STK32B: variants seen among roughly 807,000 people sequenced by gnomAD.
STK32B encodes the protein serine/threonine-protein kinase 32B.
A neutral mutation model predicts 52.6 loss-of-function variants in STK32B; 43 were observed. That is an observed-to-expected ratio of 0.82 (90% CI 0.64 to 1.05). The LOEUF is 1.05. Ranked by LOEUF, STK32B falls within the 50% of genes least tolerant of loss-of-function variation. The pLI is 0.00. For missense variants in STK32B, 621 were observed against 534.6 expected (o/e 1.16, Z -1.59); for synonymous variants, 238 against 204.3 (o/e 1.17, Z -1.41).
At chr4:5,316,131 A>C (rs1433386774) in intron 3 of STK32B, among the ~76,000 whole-genome samples, 1 of 116,412 alleles carries the variant, frequency 8.6e-6, no homozygotes, top group East Asian at 2.2e-4. Flanking sequence ...TATATTTTCA[A>C]GTTATATATA....
intron 5 of STK32B, among the ~76,000 whole-genome samples, chr4:5,410,902 G>T (rs1030354834): frequency 2.0e-5 from 3 of 152,160 alleles, no homozygotes; most frequent in African/African-American, 7.2e-5. Flanking sequence ...TCTGGTGAGG[G>T]CTGCTCTCTG....
chr4:5,217,081 G>T (rs897482312), intron 3 of STK32B, among the ~76,000 whole-genome samples: 1 of 152,332 alleles, frequency 6.6e-6, no homozygotes, highest in Admixed American at 6.5e-5. Flanking sequence ...CCGAACTTAT[G>T]TGGTAGCATG....
At chr4:5,454,332 G>A (rs1716301971) in intron 7 of STK32B, among the ~76,000 whole-genome samples, 1 of 152,136 alleles carries the variant, frequency 6.6e-6, no homozygotes, top group South Asian at 2.1e-4. Context: ...AGTCTGAGAT[G>A]AAGTGGTTGG....
chr4:5,064,422 A>G (rs867730845), intron 1 of STK32B, among the ~76,000 whole-genome samples: 11 of 116,632 alleles, frequency 9.4e-5, no homozygotes, highest in African/African-American at 1.8e-4. Flanking sequence ...ATATAAATAT[A>G]TACTTATATA....
intron 3 of STK32B, among the ~76,000 whole-genome samples, chr4:5,284,870 C>T (rs887338529): frequency 6.6e-6 from 1 of 152,148 alleles, no homozygotes; most frequent in Non-Finnish European, 1.5e-5. Flanking sequence ...TTGAATAACA[C>T]CATGGACCCA....
chr4:5,478,338 CG>C (rs1368007603), intron 11 of STK32B, among the ~76,000 whole-genome samples: 7 of 152,072 alleles, frequency 4.6e-5, no homozygotes, highest in Non-Finnish European at 2.9e-5. Context: ...GGAGAGGAGA[CG>C]ATGGTAAGAG....
At chr4:5,187,731 A>T (rs1720859836) in intron 3 of STK32B, among the ~76,000 whole-genome samples, 1 of 152,152 alleles carries the variant, frequency 6.6e-6, no homozygotes, top group African/African-American at 2.4e-5. Flanking sequence ...ACATTTCTGA[A>T]GATTTAGCAT....
intron 3 of STK32B, among the ~76,000 whole-genome samples, chr4:5,297,638 T>A (rs1302030854): frequency 1.0e-5 from 1 of 95,662 alleles, no homozygotes; most frequent in African/African-American, 7.6e-5. Flanking sequence ...CATTTATGTT[T>A]TTTTTTTTTT....
At position 5,460,241 on chromosome 4, in the gene STK32B, C is replaced by T; in HGVS notation, c.909+13C>T. On this transcript the variant is annotated intron_variant, in intron 9 of 11. Coordinates refer to ENST00000282908, the MANE Select transcript of STK32B (RefSeq NM_018401.3). This position sits in a 1 kb window ranked among gnomAD's most constrained non-coding sequence, Gnocchi z 4.8. Reference sequence around the variant, plus strand: ...CTTTGTGCCCAATGTGAGTGGAAGTCCCACCTGATGTCATGCCACCCCTCT... The same window carrying T: ...CTTTGTGCCCAATGTGAGTGGAAGTTCCACCTGATGTCATGCCACCCCTCT... 2.5e-6 allele frequency: 4 copies of T among 1,605,584 alleles called. No homozygotes were observed. Among genetic ancestry groups the T allele is most frequent in the Non-Finnish European group, 3.4e-6 (4 of 1,175,874 alleles).
chr4:5,076,414 C>T (rs1712077842), intron 1 of STK32B, among the ~76,000 whole-genome samples: 1 of 152,040 alleles, frequency 6.6e-6, no homozygotes, highest in Non-Finnish European at 1.5e-5. Flanking sequence ...CAAAATTGAC[C>T]ATGTTTGCTT....
At chr4:5,441,917 A>G (rs1714812307) in intron 6 of STK32B, among the ~76,000 whole-genome samples, 2 of 130,900 alleles carry the variant, frequency 1.5e-5, no homozygotes, top group East Asian at 4.6e-4. Context: ...AGCAGTTTTG[A>G]GTGAGATTCT....
At chr4:5,193,648 C>T (rs1007292085) in intron 3 of STK32B, among the ~76,000 whole-genome samples, 1 of 152,324 alleles carries the variant, frequency 6.6e-6, no homozygotes, top group East Asian at 1.9e-4. Context: ...GCAGAACAGC[C>T]CATAGCCTCA....
intron 11 of STK32B, among the ~76,000 whole-genome samples, chr4:5,496,548 C>CCTGCTTCTGCTCGCGCACGTTGCG (rs61698429): frequency 7.3e-6 from 1 of 137,920 alleles, no homozygotes; most frequent in Admixed American, 6.8e-5. Context: ...AATGCCTTGC[C>CCTGCTTCTGCTCGCGCACGTTGCG]CTGCACCCAC....
intron 1 of STK32B, among the ~76,000 whole-genome samples, chr4:5,080,252 G>A (rs1712336259): frequency 1.3e-5 from 2 of 152,088 alleles, no homozygotes; most frequent in Admixed American, 1.3e-4. Context: ...AGACACCATC[G>A]TCTTCTGCTT....
chr4:5,361,554 G>A (rs1303817540), intron 4 of STK32B, among the ~76,000 whole-genome samples: 2 of 152,064 alleles, frequency 1.3e-5, no homozygotes, highest in Non-Finnish European at 2.9e-5. Flanking sequence ...CTATAGAGAT[G>A]GGGTCTCACT....
chr4:5,334,901 G>A (rs1024072561), intron 4 of STK32B, among the ~76,000 whole-genome samples: 32 of 151,760 alleles, frequency 2.1e-4, no homozygotes, highest in Non-Finnish European at 3.7e-4. Flanking sequence ...GAGGATTTTT[G>A]CATCAATGTT....
chr4:5,193,764 A>T (rs1434502411), intron 3 of STK32B, among the ~76,000 whole-genome samples: 1 of 152,242 alleles, frequency 6.6e-6, no homozygotes, highest in Admixed American at 6.5e-5. Flanking sequence ...TTCCCAACAA[A>T]TGTGCGAGGA....
intron 3 of STK32B, among the ~76,000 whole-genome samples, chr4:5,280,765 G>C (rs1471198914): frequency 2.0e-5 from 3 of 152,046 alleles, no homozygotes; most frequent in Non-Finnish European, 4.4e-5. Flanking sequence ...CAGGCATGGT[G>C]GTGGGTGCCT....
intron 1 of STK32B, among the ~76,000 whole-genome samples, chr4:5,093,520 C>T (rs906581863): frequency 3.3e-5 from 5 of 151,196 alleles, no homozygotes; most frequent in East Asian, 3.9e-4. Context: ...AATGAGAACA[C>T]GTGGACACAG....
Sources: gnomAD v4.1 joint callset for allele counts (sites outside exome capture counted in the v4.1 genomes callset) on GRCh38, gnomAD v4.1.1 for gene constraint, Gnocchi (gnomAD v3.1) non-coding constraint, MANE v1.5 for transcripts, NCBI Gene and HGNC (gene_info 2026-07-23, HGNC 2026-07-21) for gene names.